SEPTIN7: variants seen among roughly 807,000 people sequenced by gnomAD.
SEPTIN7 encodes septin-7.
SEPTIN7 carries 10 observed loss-of-function variants against 63.3 expected under a neutral mutation model. The ratio of observed to expected loss-of-function variants is 0.16; its 90% CI spans 0.10 to 0.27. SEPTIN7 has a LOEUF of 0.27. Among genes scored for constraint, SEPTIN7 ranks in the 10% least tolerant of loss-of-function variants. SEPTIN7 has a pLI of 1.00. For synonymous variants in SEPTIN7, 131 were observed against 165.3 expected (o/e 0.79, Z 1.59); for missense variants, 310 against 521.0 (o/e 0.59, Z 3.94).
At chr7:35,877,305 A>G (rs1282044884) in intron 6 of SEPTIN7, among the ~76,000 whole-genome samples, 1 of 152,078 alleles carries the variant, frequency 6.6e-6, no homozygotes, top group Non-Finnish European at 1.5e-5. Flanking sequence ...AGCTATCTTA[A>G]TTCTCCATGT....
intron 1 of SEPTIN7, among the ~76,000 whole-genome samples, chr7:35,804,599 T>C (rs1258418245): frequency 6.6e-6 from 1 of 152,160 alleles, no homozygotes; most frequent in African/African-American, 2.4e-5. Context: ...TGCTACTCAA[T>C]AGATACACCA....
At chr7:35,875,469 G>A (rs1583603354) in intron 6 of SEPTIN7, among the ~76,000 whole-genome samples, 1 of 152,262 alleles carries the variant, frequency 6.6e-6, no homozygotes, top group Non-Finnish European at 1.5e-5. Context: ...TCTTGTCTGG[G>A]TAGTCCCTGG....
intron 4 of SEPTIN7, among the ~76,000 whole-genome samples, chr7:35,869,877 T>C (rs1380518790): frequency 6.6e-6 from 1 of 152,204 alleles, no homozygotes; most frequent in African/African-American, 2.4e-5. Flanking sequence ...TTCATTCTTT[T>C]GGTATTAAAT....
At chr7:35,851,492 T>C (rs1175745295) in intron 3 of SEPTIN7, among the ~76,000 whole-genome samples, 1 of 152,170 alleles carries the variant, frequency 6.6e-6, no homozygotes, top group African/African-American at 2.4e-5. Flanking sequence ...TGAAGAAATA[T>C]GAAATGTTAC....
intron 3 of SEPTIN7, chr7:35,847,490 A>G (rs1356829902): frequency 6.5e-6 from 1 of 152,876 alleles, no homozygotes; most frequent in African/African-American, 2.4e-5. Flanking sequence ...GTATTTGCTA[A>G]TTTGGTATTA....
intron 3 of SEPTIN7, among the ~76,000 whole-genome samples, chr7:35,848,481 A>G (rs141230507): frequency 0.01 from 1,552 of 152,154 alleles, 33 homozygotes; most frequent in East Asian, 0.081. Context: ...CATGTTAGCC[A>G]GGATGGTCTT....
At chr7:35,825,223 G>C (rs1004225871) in intron 1 of SEPTIN7, among the ~76,000 whole-genome samples, 1 of 152,112 alleles carries the variant, frequency 6.6e-6, no homozygotes, top group Non-Finnish European at 1.5e-5. Flanking sequence ...TGTATCTTTA[G>C]TGTTCTTCCT....
At chr7:35,896,142 C>T (rs58984723) in intron 11 of SEPTIN7, among the ~76,000 whole-genome samples, 112 of 152,246 alleles carry the variant, frequency 7.4e-4, no homozygotes, top group African/African-American at 1.5e-3. Flanking sequence ...ATGTTTTATC[C>T]GCAGTCTCTT....
At chr7:35,842,019 T>G (rs1275154737) in intron 3 of SEPTIN7, among the ~76,000 whole-genome samples, 1 of 152,184 alleles carries the variant, frequency 6.6e-6, no homozygotes, top group Non-Finnish European at 1.5e-5. Context: ...ATGACTACAG[T>G]CTAGCACCAA....
At chr7:35,852,647 A>G (rs991796506) in intron 3 of SEPTIN7, among the ~76,000 whole-genome samples, 3 of 152,186 alleles carry the variant, frequency 2.0e-5, no homozygotes, top group Non-Finnish European at 4.4e-5. Context: ...CCCAGTCACA[A>G]TGATTTGAGT....
chr7:35,839,580 G>C (rs1784304866), intron 3 of SEPTIN7, among the ~76,000 whole-genome samples: 1 of 136,462 alleles, frequency 7.3e-6, no homozygotes. Flanking sequence ...TTGAGACAGA[G>C]TCTTGCTCTG....
intron 3 of SEPTIN7, among the ~76,000 whole-genome samples, chr7:35,856,990 T>G (rs1351719065): frequency 2.0e-5 from 3 of 152,194 alleles, no homozygotes; most frequent in African/African-American, 7.2e-5. Flanking sequence ...TCCTCCTTCC[T>G]TGATTCTAAG....
chr7:35,817,977 A>T lies in SEPTIN7; in HGVS notation c.62-13515A>T, dbSNP rs1332851087. Among the ~76,000 whole-genome samples, 3 of 152,026 alleles carry T rather than the reference A, an allele frequency of 2.0e-5. No homozygotes were observed. The East Asian group carries it at 5.8e-4, about 29-fold the overall frequency. On this transcript the variant is annotated intron_variant, in intron 1 of 13. Coordinates refer to ENST00000350320, the MANE Select transcript of SEPTIN7 (RefSeq NM_001788.6). ...ACTTACATTACTTTACAATCTAGATACATTTTATTTCTTTATTTTACCAAA... is the reference window on the plus strand; with the variant it reads ...ACTTACATTACTTTACAATCTAGATTCATTTTATTTCTTTATTTTACCAAA...
chr7:35,864,646 T>C (rs1453427509), intron 4 of SEPTIN7, among the ~76,000 whole-genome samples: 1 of 143,710 alleles, frequency 7.0e-6, no homozygotes, highest in East Asian at 2.1e-4. Flanking sequence ...ATTTCACCTT[T>C]TTCCTATTTT....
At chr7:35,819,666 C>T (rs1789293411) in intron 1 of SEPTIN7, among the ~76,000 whole-genome samples, 1 of 152,194 alleles carries the variant, frequency 6.6e-6, no homozygotes, top group Non-Finnish European at 1.5e-5. Flanking sequence ...ATGGATTGGT[C>T]CTTCAGTCAG....
intron 6 of SEPTIN7, among the ~76,000 whole-genome samples, chr7:35,876,702 C>G (rs919228926): frequency 2.0e-5 from 3 of 152,130 alleles, no homozygotes; most frequent in Admixed American, 1.3e-4. Context: ...GGCGCAGTGG[C>G]TCACACCTGT....
chr7:35,822,524 T>C (rs1789487946), intron 1 of SEPTIN7, among the ~76,000 whole-genome samples: 1 of 152,098 alleles, frequency 6.6e-6, no homozygotes, highest in African/African-American at 2.4e-5. Flanking sequence ...AATGAGAATC[T>C]AATGCTGCCG....
chr7:35,816,346 T>C (rs1789062887), intron 1 of SEPTIN7, among the ~76,000 whole-genome samples: 1 of 152,236 alleles, frequency 6.6e-6, no homozygotes, highest in South Asian at 2.1e-4. Flanking sequence ...CTTTTTGTGA[T>C]GGGCATCTTT....
Position 35,905,475 on chromosome 7 carries a change from C to T in SEPTIN7, c.*1182C>T, listed in dbSNP as rs1270595685. On this transcript the variant is annotated 3_prime_UTR_variant, in exon 14 of 14. Coordinates refer to ENST00000350320, the MANE Select transcript of SEPTIN7 (RefSeq NM_001788.6). The stretch of plus-strand genomic sequence containing the variant: ...TTCTAATTTAAGAGATACCATATCT[C>T]TCTATTCATTTCTATCTCTCATTTG... 6.6e-6 allele frequency: 1 copy of T among 151,882 alleles called. No individual in the cohort carries two copies. 9.4% of individuals were successfully genotyped at this position (151,882 alleles called of 1,614,324 possible). A position where few individuals can be genotyped will look rare whatever the true frequency, so the allele number is the denominator to read the frequency against.
Sources: gnomAD v4.1 joint callset for allele counts (sites outside exome capture counted in the v4.1 genomes callset) on GRCh38, gnomAD v4.1.1 for gene constraint, MANE v1.5 for transcripts, NCBI Gene and HGNC (gene_info 2026-07-23, HGNC 2026-07-21) for gene names.